The following HCRTR2 variants were observed in gnomAD, a reference collection of about 807,000 sequenced individuals.
HCRTR2 encodes the protein orexin receptor type 2.
HCRTR2 carries 22 observed loss-of-function variants against 49.0 expected under a neutral mutation model. The ratio of observed to expected loss-of-function variants is 0.45; its 90% CI spans 0.32 to 0.64. The LOEUF is 0.64. Among genes scored for constraint, HCRTR2 ranks in the 30% least tolerant of loss-of-function variants. HCRTR2 has a pLI of 0.04. For missense variants in HCRTR2, 491 were observed against 559.4 expected (o/e 0.88, Z 1.23); for synonymous variants, 236 against 205.3 (o/e 1.15, Z -1.28).
At chr6:55,135,883 A>G (rs888520088) in intron 1 of HCRTR2, among the ~76,000 whole-genome samples, 3 of 152,134 alleles carry the variant, frequency 2.0e-5, no homozygotes, top group African/African-American at 7.2e-5. Flanking sequence ...ATGGAAAAGG[A>G]AATTTGGTGA....
downstream of HCRTR2, chr6:55,282,644 T>A (rs186370817): frequency 1.3e-3 from 762 of 592,898 alleles, 4 homozygotes; most frequent in African/African-American, 0.01. Flanking sequence ...GATTTAAATA[T>A]GTTAGAAGTT....
chr6:55,134,009 T>C (rs980403105), intron 1 of HCRTR2, among the ~76,000 whole-genome samples: 1 of 151,908 alleles, frequency 6.6e-6, no homozygotes, highest in Non-Finnish European at 1.5e-5. Context: ...ATTGTCCTAA[T>C]GAAAATTCAC....
chr6:55,279,836 G>A (rs1048162210), intron 5 of HCRTR2, among the ~76,000 whole-genome samples: 1 of 151,724 alleles, frequency 6.6e-6, no homozygotes, highest in African/African-American at 2.4e-5. Flanking sequence ...GGGTATTAAG[G>A]AGTCCCAGAA....
At chr6:55,127,406 C>G (rs1764296893) in intron 1 of HCRTR2, among the ~76,000 whole-genome samples, 2 of 152,070 alleles carry the variant, frequency 1.3e-5, no homozygotes, top group African/African-American at 4.8e-5. Flanking sequence ...ATTCACTGTC[C>G]AACCTGCCCC....
At chr6:55,171,580 A>C (rs1399764453), upstream of HCRTR2, among the ~76,000 whole-genome samples, 1 of 152,208 alleles carries the variant, frequency 6.6e-6, no homozygotes, top group Non-Finnish European at 1.5e-5. Context: ...AATAATCTGA[A>C]GATTTAAGTG....
intron 3 of HCRTR2, among the ~76,000 whole-genome samples, chr6:55,258,527 T>C (rs1766695443): frequency 6.6e-6 from 1 of 152,170 alleles, no homozygotes; most frequent in African/African-American, 2.4e-5. Context: ...TATTGCCTAT[T>C]ACTTCTTCAT....
chr6:55,220,261 CA>C (rs1765867015), intron 1 of HCRTR2, among the ~76,000 whole-genome samples: 1 of 152,138 alleles, frequency 6.6e-6, no homozygotes, highest in Admixed American at 6.5e-5. Context: ...CACTTTCAAA[CA>C]AGCTACAGGC....
intron 1 of HCRTR2, among the ~76,000 whole-genome samples, chr6:55,180,411 T>A (rs1057382755): frequency 3.1e-4 from 47 of 152,046 alleles, no homozygotes; most frequent in African/African-American, 1.1e-3. Flanking sequence ...ATTTACAGAG[T>A]TGTTTGGGCA....
At chr6:55,246,986 G>A (rs997210362) in intron 1 of HCRTR2, among the ~76,000 whole-genome samples, 4 of 152,004 alleles carry the variant, frequency 2.6e-5, no homozygotes, top group Non-Finnish European at 4.4e-5. Context: ...AGAAATAATT[G>A]CATGTTTTCT....
At chr6:55,213,703 C>T (rs1279752029) in intron 1 of HCRTR2, among the ~76,000 whole-genome samples, 4 of 152,072 alleles carry the variant, frequency 2.6e-5, no homozygotes, top group Non-Finnish European at 5.9e-5. Flanking sequence ...AAAAATGTAC[C>T]ATATGTCTAA....
At chr6:55,246,023 C>T (rs1182712003) in intron 1 of HCRTR2, among the ~76,000 whole-genome samples, 5 of 151,920 alleles carry the variant, frequency 3.3e-5, no homozygotes, top group African/African-American at 9.7e-5. Flanking sequence ...GATAGAAACA[C>T]AGTAGAATGT....
At chr6:55,199,895 T>C (rs570915647) in intron 1 of HCRTR2, among the ~76,000 whole-genome samples, 13 of 152,226 alleles carry the variant, frequency 8.5e-5, no homozygotes, top group Non-Finnish European at 1.6e-4. Flanking sequence ...GTTTATTCAC[T>C]GCATACTATC....
chr6:55,253,120 C>T (rs1313615727), intron 2 of HCRTR2, among the ~76,000 whole-genome samples: 1 of 151,986 alleles, frequency 6.6e-6, no homozygotes, highest in African/African-American at 2.4e-5. Flanking sequence ...CAGCTATACT[C>T]TTCTGCCTCT....
chr6:55,184,304 A>G (rs974390813), intron 1 of HCRTR2, among the ~76,000 whole-genome samples: 2 of 152,326 alleles, frequency 1.3e-5, no homozygotes, highest in East Asian at 1.9e-4. Context: ...CCATAGGTCT[A>G]TTAATATTTT....
chr6:55,284,197 A>G (rs935078809), downstream of HCRTR2, among the ~76,000 whole-genome samples: 3 of 152,142 alleles, frequency 2.0e-5, no homozygotes. Flanking sequence ...ATACCTACTT[A>G]TAATTTAAAA....
rs182201181 is a variant in HCRTR2, at chr6:55,161,614, G to A, written c.-377-12597G>A. 4.5e-4 allele frequency among the ~76,000 whole-genome samples: 69 copies of A among 151,778 alleles called. 1 individual carries two copies. Among genetic ancestry groups the A allele is most frequent in the African/African-American group, 1.6e-3 (66 of 41,358 alleles). On this transcript the variant is annotated intron_variant, in intron 1 of 7. Transcript: ENST00000615358. Reference sequence around the variant, plus strand: ...GACTAATGAAGAAGAAAAGAGAGAAGAATTGTATAGACACAATAAAAAATG... The same window carrying A: ...GACTAATGAAGAAGAAAAGAGAGAAAAATTGTATAGACACAATAAAAAATG...
intron 1 of HCRTR2, among the ~76,000 whole-genome samples, chr6:55,161,741 G>C (rs1191657498): frequency 6.6e-6 from 1 of 152,004 alleles, no homozygotes; most frequent in Non-Finnish European, 1.5e-5. Flanking sequence ...AGAAGAAATG[G>C]ATAAATTCCT....
exon 1 of HCRTR2, chr6:55,106,492 G>A (rs1763968031): frequency 6.6e-6 from 1 of 152,030 alleles, no homozygotes; most frequent in Admixed American, 6.6e-5. Flanking sequence ...AAATCAAGAG[G>A]TGAATATATT....
At chr6:55,234,842 A>G (rs2127301455) in intron 1 of HCRTR2, among the ~76,000 whole-genome samples, 1 of 152,176 alleles carries the variant, frequency 6.6e-6, no homozygotes, top group East Asian at 1.9e-4. Context: ...TTTCACTGTT[A>G]GATATATAAC....
Sources: allele counts gnomAD v4.1 joint callset (sites outside exome capture counted in the v4.1 genomes callset), GRCh38; gene constraint gnomAD v4.1.1; transcripts MANE v1.5; gene names NCBI Gene and HGNC (gene_info 2026-07-23, HGNC 2026-07-21).